Variants in KATNIP observed in about 807,000 individuals in gnomAD.
KATNIP encodes katanin interacting protein, also known as katanin-interacting protein.
KATNIP carries 126 observed loss-of-function variants against 174.0 expected under a neutral mutation model. The ratio of observed to expected loss-of-function variants is 0.72; its 90% CI spans 0.63 to 0.84. The LOEUF is 0.84. Among genes scored for constraint, KATNIP ranks in the 40% least tolerant of loss-of-function variants. KATNIP has a pLI of 0.00. For missense variants in KATNIP, 1,958 were observed against 2,109.7 expected, an observed-to-expected ratio of 0.93 and a Z score of 1.41; for synonymous variants, 810 against 835.7, an observed-to-expected ratio of 0.97 and a Z score of 0.53.
chr16:27,625,498 C>T (rs1357191391), intron 3 of KATNIP, among the ~76,000 whole-genome samples: 1 of 152,206 alleles, frequency 6.6e-6, no homozygotes, highest in Non-Finnish European at 1.5e-5. Context: ...CTCTTGCAAG[C>T]GTAGCTATTG....
intron 12 of KATNIP, among the ~76,000 whole-genome samples, chr16:27,708,169 G>A (rs936038805): frequency 1.3e-5 from 2 of 151,622 alleles, no homozygotes; most frequent in African/African-American, 4.8e-5. Flanking sequence ...GGCATGTGCC[G>A]CTGTGCCAAG....
At chr16:27,571,191 C>G (rs892980292) in intron 1 of KATNIP, among the ~76,000 whole-genome samples, 2 of 151,972 alleles carry the variant, frequency 1.3e-5, no homozygotes, top group African/African-American at 4.8e-5. Flanking sequence ...TGCCACCATG[C>G]CCGGCTAATT....
At chr16:27,561,733 T>A (rs2141599838) in intron 1 of KATNIP, among the ~76,000 whole-genome samples, 1 of 152,178 alleles carries the variant, frequency 6.6e-6, no homozygotes, top group African/African-American at 2.4e-5. Context: ...CTGTAACGAG[T>A]CCCAAACTAT....
chr16:27,744,753 C>T (rs377549397), intron 15 of KATNIP, among the ~76,000 whole-genome samples: 21 of 150,286 alleles, frequency 1.4e-4, no homozygotes, highest in African/African-American at 4.2e-4. Context: ...TATGTTTGTG[C>T]GCACCTGTAA....
At chr16:27,632,321 C>G (rs1393856559) in intron 5 of KATNIP, 1 of 175,230 alleles carries the variant, frequency 5.7e-6, no homozygotes, top group Non-Finnish European at 1.3e-5. Context: ...AGCCAGAAAA[C>G]TGCACTTTGA....
chr16:27,570,451 C>T (rs1019023238), intron 1 of KATNIP, among the ~76,000 whole-genome samples: 37 of 152,084 alleles, frequency 2.4e-4, no homozygotes, highest in African/African-American at 8.9e-4. Flanking sequence ...TCTGTAATCC[C>T]AGCTACTTGG....
At chr16:27,691,655 A>G (rs1441395154) in intron 8 of KATNIP, among the ~76,000 whole-genome samples, 1 of 152,234 alleles carries the variant, frequency 6.6e-6, no homozygotes, top group African/African-American at 2.4e-5. Flanking sequence ...CCAGGATGGG[A>G]AAAGCTCTGG....
chr16:27,770,463 G>A (rs910112016), intron 21 of KATNIP, among the ~76,000 whole-genome samples: 3 of 152,220 alleles, frequency 2.0e-5, no homozygotes, highest in Non-Finnish European at 4.4e-5. Flanking sequence ...ATAACGATTT[G>A]TAAATGCCAC....
intron 15 of KATNIP, among the ~76,000 whole-genome samples, chr16:27,745,336 T>C (rs1465205618): frequency 6.6e-6 from 1 of 152,250 alleles, no homozygotes; most frequent in Non-Finnish European, 1.5e-5. Context: ...TTCTTCTCTG[T>C]GGGTCCACTT....
intron 2 of KATNIP, among the ~76,000 whole-genome samples, chr16:27,602,568 C>G (rs1043358540): frequency 6.6e-6 from 1 of 152,188 alleles, no homozygotes; most frequent in South Asian, 2.1e-4. Context: ...GCCAATTTAT[C>G]AAAACAGGGG....
At chr16:27,706,185 C>G (rs1352600311) in intron 12 of KATNIP, among the ~76,000 whole-genome samples, 1 of 149,840 alleles carries the variant, frequency 6.7e-6, no homozygotes, top group Admixed American at 6.6e-5. Context: ...CATCTCTGCT[C>G]CCTCCTCATG....
chr16:27,634,504 T>C (rs2076579002), intron 5 of KATNIP, among the ~76,000 whole-genome samples: 1 of 152,164 alleles, frequency 6.6e-6, no homozygotes. Flanking sequence ...GGTATCAGCA[T>C]CAGGAAGGTG....
At chr16:27,665,971 C>G (rs905422269) in intron 6 of KATNIP, among the ~76,000 whole-genome samples, 9 of 152,184 alleles carry the variant, frequency 5.9e-5, no homozygotes, top group African/African-American at 1.9e-4. Flanking sequence ...TCCCCTCTAT[C>G]TTTCAGGAAT....
chr16:27,758,149 G>A (rs751430745), intron 18 of KATNIP, among the ~76,000 whole-genome samples: 2 of 152,156 alleles, frequency 1.3e-5, no homozygotes, highest in Admixed American at 1.3e-4. Flanking sequence ...TTGTAGGCTT[G>A]GGAGAGACTG....
At chr16:27,752,791 C>T (rs975737700) in intron 17 of KATNIP, among the ~76,000 whole-genome samples, 2 of 152,070 alleles carry the variant, frequency 1.3e-5, no homozygotes, top group African/African-American at 2.4e-5. Flanking sequence ...TGGACTCAAG[C>T]GCTTCTCCCA....
chr16:27,590,233 G>A (rs1308359263), intron 2 of KATNIP, among the ~76,000 whole-genome samples: 1 of 151,704 alleles, frequency 6.6e-6, no homozygotes, highest in East Asian at 1.9e-4. Context: ...ATTAGTCCCT[G>A]TCTTTCATGG....
At chr16:27,763,113 C>T (rs1363193116) in intron 19 of KATNIP, among the ~76,000 whole-genome samples, 2 of 151,684 alleles carry the variant, frequency 1.3e-5, no homozygotes, top group East Asian at 3.9e-4. Context: ...CCCAGGAATT[C>T]GAGACCAGCC....
At chr16:27,709,164 C>CA in intron 13 of KATNIP, 1 of 428,430 alleles carries the variant, frequency 2.3e-6, no homozygotes, top group Non-Finnish European at 4.2e-6. Context: ...ACAAAAAACA[C>CA]AAAAAATTAG....
chr16:27,731,543 A>G (rs2080683986), intron 14 of KATNIP, among the ~76,000 whole-genome samples: 1 of 152,198 alleles, frequency 6.6e-6, no homozygotes, highest in Non-Finnish European at 1.5e-5. Context: ...AGATACAGAA[A>G]GGCAGAGCAA....
Sources: gnomAD v4.1 joint callset for allele counts (sites outside exome capture counted in the v4.1 genomes callset) on GRCh38, gnomAD v4.1.1 for gene constraint, MANE v1.5 for transcripts, NCBI Gene and HGNC (gene_info 2026-07-23, HGNC 2026-07-21) for gene names.